KIDINS220: variants seen among roughly 807,000 people sequenced by gnomAD.
The protein encoded by KIDINS220 is kinase D-interacting substrate of 220 kDa.
Under a neutral mutation model 157.6 loss-of-function variants are expected in KIDINS220, and 63 were observed. That is an observed-to-expected ratio of 0.40 (90% confidence interval 0.33 to 0.49). The LOEUF is 0.49. Among genes scored for constraint, KIDINS220 ranks in the 20% least tolerant of loss-of-function variants. The probability of loss-of-function intolerance (pLI) is 0.66; values close to 1 mark genes in which losing one functional copy is unlikely to be tolerated. For synonymous variants in KIDINS220, 732 were observed against 783.6 expected (o/e 0.93, Z 1.10); for missense variants, 1,772 against 2,171.2 (o/e 0.82, Z 3.65).
chr2:8,721,140 T>C (rs1325814493), downstream of KIDINS220: 1 of 152,170 alleles, frequency 6.6e-6, no homozygotes, highest in Non-Finnish European at 1.5e-5. Flanking sequence ...GTAATAATTT[T>C]TAAAATGTAT....
intron 11 of KIDINS220, among the ~76,000 whole-genome samples, chr2:8,795,234 T>G (rs933552740): frequency 2.6e-5 from 4 of 152,234 alleles, no homozygotes; most frequent in African/African-American, 9.6e-5. Context: ...CAATGTCTAC[T>G]GGCCACAGGC....
intron 26 of KIDINS220, among the ~76,000 whole-genome samples, chr2:8,743,640 C>T (rs781241748): frequency 3.3e-5 from 5 of 152,304 alleles, no homozygotes; most frequent in Admixed American, 2.6e-4. Context: ...TGGTGGTGAG[C>T]GCCATGGTCT....
intron 17 of KIDINS220, among the ~76,000 whole-genome samples, chr2:8,784,020 A>T (rs1025846505): frequency 1.3e-5 from 2 of 152,176 alleles, no homozygotes; most frequent in Non-Finnish European, 2.9e-5. Flanking sequence ...ACTTCAAGAA[A>T]ATAGAGCTAG....
chr2:8,745,660 A>G (rs1456152043), intron 26 of KIDINS220, among the ~76,000 whole-genome samples: 40 of 152,088 alleles, frequency 2.6e-4, no homozygotes, highest in Admixed American at 3.3e-4. Flanking sequence ...TTAGCCAGGC[A>G]TGGTGGTGGG....
At chr2:8,790,581 G>A (rs1488574870) in intron 13 of KIDINS220, among the ~76,000 whole-genome samples, 1 of 152,094 alleles carries the variant, frequency 6.6e-6, no homozygotes, top group Non-Finnish European at 1.5e-5. Flanking sequence ...CAAAACTTGG[G>A]GAAAATTTTA....
At chr2:8,805,077 G>A (rs1558458969) in intron 7 of KIDINS220, among the ~76,000 whole-genome samples, 1 of 152,150 alleles carries the variant, frequency 6.6e-6, no homozygotes. Flanking sequence ...TTCCATAAGG[G>A]ATATTTTAAA....
chr2:8,786,942 T>G (rs1300781982), intron 15 of KIDINS220, among the ~76,000 whole-genome samples: 1 of 152,246 alleles, frequency 6.6e-6, no homozygotes, highest in Admixed American at 6.5e-5. Context: ...GTGAATTATT[T>G]GTATTCAGAG....
At chr2:8,819,114 A>G (rs969349079) in intron 2 of KIDINS220, among the ~76,000 whole-genome samples, 10 of 152,230 alleles carry the variant, frequency 6.6e-5, no homozygotes, top group African/African-American at 2.4e-4. Flanking sequence ...AAATTTCAGA[A>G]TACTTATGGT....
chr2:8,805,893 G>T (rs769421260), intron 7 of KIDINS220, among the ~76,000 whole-genome samples: 3 of 152,148 alleles, frequency 2.0e-5, no homozygotes, highest in Non-Finnish European at 4.4e-5. Flanking sequence ...GGCTATACCA[G>T]CCAGATGTGT....
At chr2:8,787,730 CTTT>C (rs200876517) in intron 15 of KIDINS220, among the ~76,000 whole-genome samples, 1 of 144,154 alleles carries the variant, frequency 6.9e-6, no homozygotes, top group African/African-American at 2.5e-5. Context: ...AACTTTCTAG[CTTT>C]TTTTTTTTTT....
chr2:8,800,680 G>C (rs1048897392), intron 8 of KIDINS220, among the ~76,000 whole-genome samples, 182 bp from the exon 9 acceptor site: 2 of 152,102 alleles, frequency 1.3e-5, no homozygotes, highest in African/African-American at 4.8e-5. Flanking sequence ...ACAGATATCA[G>C]AGTAAGGGAC....
chr2:8,733,724 T>C, intron 28 of KIDINS220, 44 bp from the exon 29 acceptor site: 3 of 1,228,102 alleles, frequency 2.4e-6, no homozygotes, highest in Non-Finnish European at 3.4e-6. Context: ...ACAAATCATA[T>C]TTTAGAAGCT....
chr2:8,832,495 G>A (rs1300264262), intron 1 of KIDINS220, among the ~76,000 whole-genome samples: 2 of 152,038 alleles, frequency 1.3e-5, no homozygotes, highest in Non-Finnish European at 2.9e-5. Context: ...AAATAAATAA[G>A]ACCCCCATAT....
chr2:8,738,309 C>T (rs1665169133), intron 26 of KIDINS220, among the ~76,000 whole-genome samples: 2 of 152,164 alleles, frequency 1.3e-5, no homozygotes, highest in Admixed American at 1.3e-4. Context: ...AGTGAGTGCA[C>T]ACATGATCCA....
At chr2:8,766,452 T>A (rs757667171) in intron 22 of KIDINS220, among the ~76,000 whole-genome samples, 11 of 152,218 alleles carry the variant, frequency 7.2e-5, no homozygotes, top group Non-Finnish European at 1.0e-4. Flanking sequence ...CTACCTTTTA[T>A]TCTTTCCACC....
In KIDINS220 at chr2:8,757,512, G is replaced by T. The variant is rs1172249991; in HGVS notation, c.3012-5868C>A. 4.2e-6 allele frequency: 6 copies of T among 1,431,828 alleles called. No homozygotes were observed. In the African/African-American group the frequency reaches 8.6e-5, roughly 21 times the overall value. The allele number at this position is 1,431,828 out of a possible 1,614,324, so 88.7% of individuals were successfully genotyped here. A position where few individuals can be genotyped will look rare whatever the true frequency, so the allele number is the denominator to read the frequency against. On this transcript the variant is annotated intron_variant, in intron 22 of 29. Coordinates refer to ENST00000256707, the MANE Select transcript of KIDINS220 (RefSeq NM_020738.4). The stretch of plus-strand genomic sequence containing the variant: ...TCAGAGGAGCAGAAGTGACTGTACT[G>T]TTGTTTGCTCTTTAATGTTTCAACT...
At chr2:8,779,852 A>T in intron 17 of KIDINS220, 38 bp from the exon 18 acceptor site, 1 of 1,602,742 alleles carries the variant, frequency 6.2e-7, no homozygotes, top group Non-Finnish European at 8.5e-7. Context: ...CACTGAAGGA[A>T]GATCCAAGAA....
At chr2:8,818,050 T>C (rs1677342839) in intron 3 of KIDINS220, among the ~76,000 whole-genome samples, 2 of 152,196 alleles carry the variant, frequency 1.3e-5, no homozygotes, top group South Asian at 2.1e-4. Context: ...TACTGTAATA[T>C]AAATTGGAAT....
intron 22 of KIDINS220, among the ~76,000 whole-genome samples, chr2:8,766,963 A>T (rs910110292): frequency 2.6e-5 from 4 of 152,214 alleles, no homozygotes; most frequent in African/African-American, 9.6e-5. Context: ...TCAACATTAC[A>T]TCTGATTATG....
Sources: allele counts gnomAD v4.1 joint callset (sites outside exome capture counted in the v4.1 genomes callset), GRCh38; gene constraint gnomAD v4.1.1; transcripts MANE v1.5; gene names NCBI Gene and HGNC (gene_info 2026-07-23, HGNC 2026-07-21).